The following KCNH1 variants were observed in gnomAD, a reference collection of about 807,000 sequenced individuals.
KCNH1 encodes voltage-gated delayed rectifier potassium channel KCNH1.
KCNH1 carries 27 observed loss-of-function variants against 69.2 expected under a neutral mutation model. The observed-to-expected ratio is 0.39, with a 90% CI of 0.29 to 0.54. The LOEUF is 0.54. KCNH1 is among the 20% of genes least tolerant of loss of function. KCNH1 has a pLI of 0.68. For missense variants in KCNH1, 798 were observed against 1,261.6 expected (o/e 0.63, Z 5.57); for synonymous variants, 456 against 487.7 (o/e 0.93, Z 0.86).
intron 6 of KCNH1, among the ~76,000 whole-genome samples, chr1:210,995,972 A>G (rs1689024875): frequency 6.6e-6 from 1 of 152,086 alleles, no homozygotes; most frequent in Non-Finnish European, 1.5e-5. Context: ...CTGAGCTTAA[A>G]CCATAATTGA....
intron 6 of KCNH1, among the ~76,000 whole-genome samples, chr1:210,944,693 A>G (rs1475799270): frequency 6.6e-6 from 1 of 152,166 alleles, no homozygotes; most frequent in Non-Finnish European, 1.5e-5. Context: ...CATAATATAC[A>G]TTATTCCTTG....
intron 6 of KCNH1, among the ~76,000 whole-genome samples, chr1:210,954,460 G>C (rs959687348): frequency 6.6e-6 from 1 of 152,182 alleles, no homozygotes; most frequent in Non-Finnish European, 1.5e-5. Flanking sequence ...TCTAGTTCCA[G>C]ATCCATGAGG....
chr1:210,805,367 A>G (rs981885038), intron 7 of KCNH1, among the ~76,000 whole-genome samples: 3 of 152,294 alleles, frequency 2.0e-5, no homozygotes, highest in East Asian at 1.9e-4. Flanking sequence ...TTTGACATAT[A>G]TACACCAATA....
intron 8 of KCNH1, 25 bp downstream of exon 8, chr1:210,803,942 T>C (rs1219228289): frequency 6.2e-7 from 1 of 1,604,574 alleles, no homozygotes; most frequent in Non-Finnish European, 8.5e-7. Context: ...ACAAATGGTT[T>C]CCCTGAGCTC....
chr1:210,859,942 T>C, intron 7 of KCNH1: 2 of 1,553,266 alleles, frequency 1.3e-6, no homozygotes, highest in Non-Finnish European at 1.8e-6. Context: ...TGCATACCCA[T>C]AGTTCAAAGT....
chr1:210,919,574 A>G lies in KCNH1; in HGVS notation c.1462+66T>C, dbSNP rs1687417283. 1 of 1,390,548 alleles carries G rather than the reference A, an allele frequency of 7.2e-7. No homozygotes were observed. Among genetic ancestry groups the G allele is most frequent in the East Asian group, 2.3e-5 (1 of 43,558 alleles). 86.1% of individuals were successfully genotyped at this position (1,390,548 alleles called of 1,614,324 possible). ...ATTCTCCTGATCCTGCTGGCACTGT[A>G]GCCATTTCCCTGTTTCCAGCTAACA... On this transcript the variant is annotated intron_variant, in intron 7 of 10. Transcript: ENST00000271751. The surrounding 1 kb of genome is among the most constrained non-coding windows in gnomAD (Gnocchi z 4.2).
chr1:210,791,172 G>T (rs1209693575), intron 9 of KCNH1, among the ~76,000 whole-genome samples: 5 of 152,182 alleles, frequency 3.3e-5, no homozygotes, highest in Non-Finnish European at 5.9e-5. Context: ...GTCATTTCTT[G>T]TGGTTTAGGT....
chr1:210,875,187 C>T (rs773837853), intron 7 of KCNH1, among the ~76,000 whole-genome samples: 1 of 152,078 alleles, frequency 6.6e-6, no homozygotes, highest in African/African-American at 2.4e-5. Context: ...ATTTAAAAAG[C>T]AATGCTTTAA....
At chr1:210,817,850 G>T (rs1349639171) in intron 7 of KCNH1, among the ~76,000 whole-genome samples, 1 of 152,152 alleles carries the variant, frequency 6.6e-6, no homozygotes, top group Admixed American at 6.6e-5. Flanking sequence ...GTGCTTCTCA[G>T]CCTCAGCAGC....
At chr1:210,766,791 T>C (rs534673330) in intron 10 of KCNH1, among the ~76,000 whole-genome samples, 1 of 152,248 alleles carries the variant, frequency 6.6e-6, no homozygotes, top group East Asian at 1.9e-4. Context: ...TGACATACAT[T>C]ATACCAGATA....
chr1:210,824,809 C>T (rs1335791069), intron 7 of KCNH1, among the ~76,000 whole-genome samples: 4 of 152,154 alleles, frequency 2.6e-5, no homozygotes, highest in African/African-American at 4.8e-5. Flanking sequence ...TTATTTCATG[C>T]TCATTGGTCT....
At chr1:210,865,212 T>A (rs1003289858) in intron 7 of KCNH1, among the ~76,000 whole-genome samples, 15 of 152,166 alleles carry the variant, frequency 9.9e-5, no homozygotes, top group Non-Finnish European at 1.8e-4. Flanking sequence ...GCCCCCATAG[T>A]CTCCCAATGC....
intron 7 of KCNH1, among the ~76,000 whole-genome samples, chr1:210,909,581 CCTGA>C (rs1347365224): frequency 3.2e-4 from 49 of 152,156 alleles, no homozygotes; most frequent in African/African-American, 1.1e-3. Context: ...TAAGTACCTT[CCTGA>C]CTATTAAGTA....
At chr1:210,904,914 C>T (rs978460729) in intron 7 of KCNH1, among the ~76,000 whole-genome samples, 2 of 152,106 alleles carry the variant, frequency 1.3e-5, no homozygotes, top group African/African-American at 4.8e-5. Flanking sequence ...CTTTTCAAAG[C>T]CACATAGAGA....
At chr1:211,037,489 G>T (rs1348575575) in intron 5 of KCNH1, among the ~76,000 whole-genome samples, 18 of 135,954 alleles carry the variant, frequency 1.3e-4, no homozygotes. Flanking sequence ...TCCTAATTCA[G>T]TGCTTTTTTT....
chr1:210,846,626 C>T (rs1685554892), intron 7 of KCNH1, among the ~76,000 whole-genome samples: 1 of 152,110 alleles, frequency 6.6e-6, no homozygotes, highest in African/African-American at 2.4e-5. Context: ...CCATAAAAAC[C>T]CTAGAAGAAA....
chr1:210,995,915 T>C (rs1319238596), intron 6 of KCNH1, among the ~76,000 whole-genome samples: 1 of 152,122 alleles, frequency 6.6e-6, no homozygotes, highest in Non-Finnish European at 1.5e-5. Context: ...AAATATATTA[T>C]ACCTGGCTCA....
At chr1:210,878,259 G>A (rs531661558) in intron 7 of KCNH1, among the ~76,000 whole-genome samples, 13 of 151,956 alleles carry the variant, frequency 8.6e-5, no homozygotes, top group African/African-American at 2.2e-4. Flanking sequence ...AATCAGTAAC[G>A]ATACCATTGA....
At chr1:210,825,475 T>G (rs985338387) in intron 7 of KCNH1, among the ~76,000 whole-genome samples, 1 of 152,220 alleles carries the variant, frequency 6.6e-6, no homozygotes, top group Admixed American at 6.5e-5. Flanking sequence ...TAATTCATGC[T>G]CAGGTGTCCA....
Sources: allele counts gnomAD v4.1 joint callset (sites outside exome capture counted in the v4.1 genomes callset), GRCh38; gene constraint gnomAD v4.1.1; non-coding constraint Gnocchi (gnomAD v3.1); transcripts MANE v1.5; gene names NCBI Gene and HGNC (gene_info 2026-07-23, HGNC 2026-07-21).